Variants in NLRP4 observed in about 807,000 individuals in gnomAD.
NLRP4 encodes NLR family pyrin domain containing 4.
Under a neutral mutation model 84.7 loss-of-function variants are expected in NLRP4, and 44 were observed. The observed-to-expected ratio is 0.52, with a 90% CI of 0.41 to 0.67. The LOEUF is 0.67. Among genes scored for constraint, NLRP4 ranks in the 30% least tolerant of loss-of-function variants. The pLI is 0.00. For synonymous variants in NLRP4, 544 were observed against 476.4 expected, an observed-to-expected ratio of 1.14 and a Z score of -1.85; for missense variants, 1,260 against 1,219.4, an observed-to-expected ratio of 1.03 and a Z score of -0.50.
chr19:55,875,278 G>A (rs1041934766), intron 7 of NLRP4, among the ~76,000 whole-genome samples: 1 of 152,112 alleles, frequency 6.6e-6, no homozygotes, highest in East Asian at 1.9e-4. Flanking sequence ...AATCTTTGAA[G>A]AAACACCTAA....
intron 1 of NLRP4, among the ~76,000 whole-genome samples, chr19:55,840,491 C>A (rs1322156498): frequency 1.3e-5 from 2 of 152,252 alleles, no homozygotes; most frequent in East Asian, 3.9e-4. Context: ...TCAAGCAATT[C>A]TCCTGCCTCA....
intron 4 of NLRP4, 147 bp downstream of exon 4, chr19:55,861,694 C>G: frequency 1.4e-6 from 1 of 734,846 alleles, no homozygotes; most frequent in Non-Finnish European, 2.3e-6. Context: ...ACATCTCATG[C>G]AGATCATTCT....
intron 5 of NLRP4, 30 bp downstream of exon 5, chr19:55,862,189 T>A (rs1480573309): frequency 6.5e-7 from 1 of 1,529,634 alleles, no homozygotes; most frequent in African/African-American, 1.4e-5. Flanking sequence ...GACCACTGAT[T>A]GGGTTTCAGA....
At chr19:55,872,084 G>T (rs1480085264) in intron 7 of NLRP4, among the ~76,000 whole-genome samples, 1 of 152,018 alleles carries the variant, frequency 6.6e-6, no homozygotes, top group South Asian at 2.1e-4. Context: ...TCCTGATCTC[G>T]TGATCCGCCC....
intron 3 of NLRP4, among the ~76,000 whole-genome samples, chr19:55,859,940 AAAAAAAAAAAAAC>A (rs1260726671): frequency 7.8e-5 from 11 of 140,164 alleles, no homozygotes; most frequent in African/African-American, 2.6e-4. Flanking sequence ...AAAAAAAAAA[AAAAAAAAAAAAAC>A]AAAACACAAA....
rs1427222370 is a variant in NLRP4, at chr19:55,862,110, T to C, written c.2137T>C (p.Ser713Pro). Residue 713 changes from serine (S) to proline (P), a missense_variant, in exon 5 of 10, where the codon TCC (serine) becomes CCC (proline). Ser to Pro is a moderately conservative substitution (Grantham distance 74). This residue lies in a region of NLRP4 where 544 missense variants were observed against 531.7 expected (regional missense o/e 1.02). Transcript: ENST00000301295. ...LTKLSRDDIR[S>P]LCDALNYPAG... ...GAAACTCTCTCGTGATGACATCAGG[T>C]CCCTCTGTGATGCCTTGAACTACCC... 2 of 1,613,906 alleles carry C rather than the reference T, an allele frequency of 1.2e-6. No individual in the cohort carries two copies. Among genetic ancestry groups the C allele is most frequent in the South Asian group, 2.2e-5 (2 of 91,084 alleles).
At chr19:55,881,088 A>C (rs1985566683) in intron 9 of NLRP4, among the ~76,000 whole-genome samples, 1 of 150,956 alleles carries the variant, frequency 6.6e-6, no homozygotes, top group Admixed American at 6.6e-5. Context: ...ACATTTATTT[A>C]TGTCCAGTGA....
chr19:55,839,153 T>G (rs1476022923), intron 1 of NLRP4, among the ~76,000 whole-genome samples: 1 of 151,958 alleles, frequency 6.6e-6, no homozygotes, highest in Non-Finnish European at 1.5e-5. Flanking sequence ...CGGGCCTCAG[T>G]GTGTGAATGT....
intron 7 of NLRP4, among the ~76,000 whole-genome samples, chr19:55,874,838 T>A (rs1985312920): frequency 1.3e-5 from 2 of 152,178 alleles, no homozygotes; most frequent in South Asian, 4.1e-4. Context: ...AATTAAAGGC[T>A]AGTGTCATTC....
intron 7 of NLRP4, among the ~76,000 whole-genome samples, chr19:55,876,577 G>T (rs1042653196): frequency 6.6e-6 from 1 of 152,002 alleles, no homozygotes; most frequent in Non-Finnish European, 1.5e-5. Context: ...TGGCCAGGCT[G>T]GTCTGGAACT....
Position 55,861,481 on chromosome 19 carries a change from G to A in NLRP4, c.1952G>A (p.Ser651Asn). Residue 651 changes from serine to asparagine, a missense_variant, in exon 4 of 10, where the codon AGC becomes AAC. Physicochemically the swap from Ser to Asn is conservative, Grantham distance 46. Transcript: ENST00000301295. ...CTCCAGGTGCAGGACAGCACCCTCA[G>A]CGAGTCGACCTTTGTGACCTGGTGT... ...RELQVQDSTL[S>N]ESTFVTWCNQ... 1 of 1,614,186 alleles carries A rather than the reference G, an allele frequency of 6.2e-7. No homozygotes were observed. Among genetic ancestry groups the A allele is most frequent in the Middle Eastern group, 1.6e-4 (1 of 6,062 alleles).
intron 3 of NLRP4, among the ~76,000 whole-genome samples, chr19:55,859,525 A>C (rs1389404546): frequency 6.6e-6 from 1 of 152,074 alleles, no homozygotes; most frequent in Non-Finnish European, 1.5e-5. Context: ...AGTGTTTCCT[A>C]CTTTCTCAAG....
rs754739238 is a variant in NLRP4 at position 55,858,050 on chromosome 19, C to G, written c.657C>G (p.Ile219Met). The G allele has an allele frequency of 5.0e-6, 8 of 1,614,124 alleles. No homozygotes were observed. The highest frequency in any genetic ancestry group is 1.6e-4 in the Middle Eastern group (1 of 6,062). The change falls in exon 3 of 10, where the codon ATC becomes ATG. Residue 219 changes from isoleucine to methionine, a missense_variant. Around this residue, in one of 3 missense-constraint regions of NLRP4, gnomAD observed 712 missense variants for 669.2 expected, o/e 1.06. Coordinates refer to ENST00000301295, the MANE Select transcript of NLRP4 (RefSeq NM_134444.5). This position sits in a 1 kb window ranked among gnomAD's most constrained non-coding sequence, Gnocchi z 4.2. ...ACCCCGCTGCTCCTATAACAGAGAT[C>G]GTGTCTCAACCGGAGAGACTCTTGT... Reference protein sequence around the residue: ...WPDPAAPITEIVSQPERLLFV... With the variant: ...WPDPAAPITEMVSQPERLLFV...
chr19:55,854,189 C>T (rs1213371760), intron 2 of NLRP4, among the ~76,000 whole-genome samples: 1 of 152,056 alleles, frequency 6.6e-6, no homozygotes, highest in Non-Finnish European at 1.5e-5. Flanking sequence ...CCAGGCTGGT[C>T]TCGAACTCCT....
Position 55,877,074 on chromosome 19 carries a change from T to G in NLRP4, c.2604T>G (p.Ile868Met). 1 of 1,614,144 alleles carries G rather than the reference T, an allele frequency of 6.2e-7. No individual in the cohort carries two copies. Among genetic ancestry groups the G allele is most frequent in the Non-Finnish European group, 8.5e-7 (1 of 1,179,996 alleles). Residue 868 changes from isoleucine (I) to methionine (M), a missense_variant, in exon 8 of 10, where the codon ATT becomes ATG. By Grantham distance (10) the Ile-to-Met change is conservative. Coordinates refer to ENST00000301295, the MANE Select transcript of NLRP4 (RefSeq NM_134444.5). ...SALISNQNLK[I>M]LQIGCNEIGD... ...TCATCAGCAATCAAAACCTGAAGAT[T>G]CTGCAAATTGGGTGCAATGAAATCG...
chr19:55,839,305 T>TTGTGTGTGTGTGTGTG (rs1441022856), intron 1 of NLRP4, among the ~76,000 whole-genome samples: 1 of 123,670 alleles, frequency 8.1e-6, no homozygotes, highest in African/African-American at 3.1e-5. Context: ...ATGCCTCAGT[T>TTGTGTGTGTGTGTGTG]TGAGTGTGTG....
chr19:55,848,639 A>G (rs1304265498), intron 1 of NLRP4, among the ~76,000 whole-genome samples: 1 of 151,944 alleles, frequency 6.6e-6, no homozygotes, highest in Non-Finnish European at 1.5e-5. Context: ...CCTGACCTTG[A>G]GATCCACCCA....
intron 9 of NLRP4, 66 bp from the exon 10 acceptor site, chr19:55,881,404 G>C: frequency 1.2e-6 from 1 of 838,242 alleles, no homozygotes. Flanking sequence ...TAGGGAGAAA[G>C]ATGAGCTGCA....
At chr19:55,843,539 A>C (rs2122996587) in intron 1 of NLRP4, among the ~76,000 whole-genome samples, 1 of 152,068 alleles carries the variant, frequency 6.6e-6, no homozygotes, top group East Asian at 1.9e-4. Flanking sequence ...AAAAATACAA[A>C]AAATTAGCCA....
Sources: gnomAD v4.1 joint callset for allele counts (sites outside exome capture counted in the v4.1 genomes callset) on GRCh38, gnomAD v4.1.1 for gene constraint, gnomAD v4.1.1 regional missense constraint, Gnocchi (gnomAD v3.1) non-coding constraint, MANE v1.5 for transcripts, NCBI Gene and HGNC (gene_info 2026-07-23, HGNC 2026-07-21) for gene names.